The following OTOA variants were observed in gnomAD, a reference collection of about 807,000 sequenced individuals.
The protein encoded by OTOA is otoancorin.
Under a neutral mutation model 110.8 loss-of-function variants are expected in OTOA, and 70 were observed. That is an observed-to-expected ratio of 0.63 (90% CI 0.52 to 0.77). The LOEUF (loss-of-function observed/expected upper bound fraction) is 0.77, where lower values mean the gene tolerates loss of function less well. Ranked by LOEUF, OTOA falls within the 30% of genes least tolerant of loss-of-function variation. OTOA has a pLI of 0.00. For missense variants in OTOA, 917 were observed against 1,075.8 expected, an observed-to-expected ratio of 0.85 and a Z score of 2.06; for synonymous variants, 373 against 431.5, an observed-to-expected ratio of 0.86 and a Z score of 1.68.
At chr16:21,736,992 C>T (rs535657131) in intron 22 of OTOA, among the ~76,000 whole-genome samples, 231 of 152,318 alleles carry the variant, frequency 1.5e-3, no homozygotes, top group African/African-American at 5.1e-3. Flanking sequence ...GTGACAGGGC[C>T]GGGCTGGCTA....
At position 21,736,349 on chromosome 16, in the gene OTOA, G is replaced by A. The variant is rs1367854479; in HGVS notation, c.2390G>A (p.Arg797Gln). The change falls in exon 22 of 29, where the codon CGG becomes CAG. Residue 797 changes from arginine (R) to glutamine (Q), a missense_variant. Physicochemically the swap from Arg to Gln is conservative, Grantham distance 43 (BLOSUM62 1). This residue lies in a region of OTOA where 57 missense variants were observed against 59.7 expected (regional missense o/e 0.96). Coordinates refer to ENST00000646100, the MANE Select transcript of OTOA (RefSeq NM_144672.4). ...CTCTGGGCTGTCTTTCAGTCTGTTC[G>A]GAACAGCAGTGATAAGATCCCCAGC... ...EFLWAVFQSV[R>Q]NSSDKIPSYD... The A allele has an allele frequency of 1.4e-5, 23 of 1,614,000 alleles. No individual in the cohort carries two copies. The highest frequency in any genetic ancestry group is 3.3e-5 in the South Asian group (3 of 91,080).
At chr16:21,676,133 G>A (rs898084349) in intron 1 of OTOA, among the ~76,000 whole-genome samples, 3 of 152,068 alleles carry the variant, frequency 2.0e-5, no homozygotes, top group African/African-American at 4.8e-5. Context: ...TGCCCAGGCT[G>A]GTCACAAACT....
In OTOA at chr16:21,687,574, C is replaced by T. The variant is rs774277243; in HGVS notation, c.561C>T (p.Ser187=). 10 of 1,613,752 alleles carry T rather than the reference C, an allele frequency of 6.2e-6. No individual in the cohort carries two copies. Among genetic ancestry groups the T allele is most frequent in the Non-Finnish European group, 8.5e-6 (10 of 1,179,978 alleles). The change falls in exon 8 of 29, where the codon TCC becomes TCT. Residue 187 remains serine, a synonymous_variant. Coordinates refer to ENST00000646100, the MANE Select transcript of OTOA (RefSeq NM_144672.4). ...TCCTGGGCAAGGTGCTGAGGGGGTC[C>T]TCAGGGAGCTTTCTCCAGCCAGACA... is the stretch of plus-strand genomic sequence containing the variant. ...VEILGKVLRG[S]SGSFLQPDIT...
intron 12 of OTOA, chr16:21,705,503 C>G (rs754098362): frequency 1.6e-5 from 12 of 735,690 alleles, no homozygotes; most frequent in Non-Finnish European, 2.4e-5. Flanking sequence ...CTGGGGAGAT[C>G]AAAATTTAAT....
At position 21,726,550 on chromosome 16, in the gene OTOA, C is replaced by T; in HGVS notation, c.1908C>T (p.Ala636=). ...CCCGCTACCTGGCTTCTGTCCCAGC[C>T]TCCCAGTGTGTGCCCTTTCTGATCA... The part of the protein sequence containing the change: ...LPARYLASVP[A]SQCVPFLISL... The change falls in exon 19 of 29, where the codon GCC becomes GCT. Residue 636 remains alanine (A), a synonymous_variant. Transcript: ENST00000646100. The T allele has an allele frequency of 3.1e-6, 5 of 1,614,078 alleles. No homozygotes were observed. The highest frequency in any genetic ancestry group is 4.2e-6 in the Non-Finnish European group (5 of 1,180,032).
chr16:21,684,647 G>C, intron 6 of OTOA: 1 of 997,238 alleles, frequency 1.0e-6, no homozygotes, highest in Non-Finnish European at 1.5e-6. Flanking sequence ...CCTAAAAGGG[G>C]ATGTGCGCCC....
At chr16:21,678,261 G>C in intron 1 of OTOA, among the ~76,000 whole-genome samples, 1 of 151,996 alleles carries the variant, frequency 6.6e-6, no homozygotes, top group Middle Eastern at 3.2e-3. Context: ...ACAGGCCATT[G>C]TAGTCACCAA....
At chr16:21,709,127 T>C (rs775839250) in intron 12 of OTOA, among the ~76,000 whole-genome samples, 2 of 152,188 alleles carry the variant, frequency 1.3e-5, no homozygotes, top group Non-Finnish European at 2.9e-5. Flanking sequence ...TTTTACTTTC[T>C]TGTACTGTGA....
chr16:21,705,715 G>A, intron 12 of OTOA, among the ~76,000 whole-genome samples: 1 of 152,172 alleles, frequency 6.6e-6, no homozygotes, highest in East Asian at 1.9e-4. Context: ...GGGAGGCCAA[G>A]GCAGGCAGAT....
chr16:21,710,832 G>A (rs570828983), intron 13 of OTOA, among the ~76,000 whole-genome samples: 7 of 152,040 alleles, frequency 4.6e-5, no homozygotes, highest in Non-Finnish European at 8.8e-5. Flanking sequence ...GTGAAATCCC[G>A]TCTCTACTAA....
chr16:21,672,165 A>G (rs1966850091), intron 1 of OTOA, among the ~76,000 whole-genome samples: 1 of 152,020 alleles, frequency 6.6e-6, no homozygotes, highest in Non-Finnish European at 1.5e-5. Flanking sequence ...ATCATATGTT[A>G]TGTGGTCTTT....
chr16:21,695,195 T>A (rs1349980823), intron 9 of OTOA, among the ~76,000 whole-genome samples: 1 of 148,888 alleles, frequency 6.7e-6, no homozygotes, highest in Non-Finnish European at 1.5e-5. Flanking sequence ...AGGCCAGGAG[T>A]TCAAGGCCAG....
chr16:21,696,900 A>G (rs951002958), intron 9 of OTOA, among the ~76,000 whole-genome samples: 8 of 151,740 alleles, frequency 5.3e-5, no homozygotes, highest in African/African-American at 1.9e-4. Context: ...ATTTTTAATT[A>G]TTATTACTTT....
intron 20 of OTOA, chr16:21,729,952 A>G (rs542706243): frequency 1.3e-4 from 20 of 152,356 alleles, no homozygotes; most frequent in Admixed American, 2.6e-4. Flanking sequence ...TAAAGCTGCT[A>G]TCAACATCCA....
In OTOA at chr16:21,728,330, C is replaced by T. The variant is rs1898993954; in HGVS notation, c.2106C>T (p.Ser702=). 5 of 1,614,020 alleles carry T rather than the reference C, an allele frequency of 3.1e-6. No individual in the cohort carries two copies. In the South Asian group the frequency reaches 3.3e-5, roughly 11 times the overall value. ...LPAAIIDRGI[S]PRAWATALHG... is the part of the protein sequence containing the mutation. The stretch of plus-strand genomic sequence containing the variant: ...CAGCCATCATCGACAGGGGGATCTC[C>T]CCCAGGGCTTGGGCGACTGCTCTAC... Residue 702 remains serine (S), a synonymous_variant, in exon 20 of 29, where the codon TCC becomes TCT. Transcript: ENST00000646100.
chr16:21,679,610 G>A (rs1966873770), intron 5 of OTOA, among the ~76,000 whole-genome samples: 1 of 151,970 alleles, frequency 6.6e-6, no homozygotes, highest in Non-Finnish European at 1.5e-5. Flanking sequence ...TCACCATGTT[G>A]GCCAGGCTGG....
At chr16:21,689,751 T>C (rs750960174) in intron 8 of OTOA, among the ~76,000 whole-genome samples, 1 of 152,036 alleles carries the variant, frequency 6.6e-6, no homozygotes, top group Non-Finnish European at 1.5e-5. Context: ...AATGGCCCCA[T>C]CTCGGCTCAC....
rs773864485 is a variant in OTOA at position 21,719,471 on chromosome 16, T to G, written c.1773T>G (p.Phe591Leu). 1.4e-5 allele frequency: 23 copies of G among 1,614,174 alleles called. No homozygotes were observed. The highest frequency in any genetic ancestry group is 1.9e-5 in the Non-Finnish European group (23 of 1,180,022). Residue 591 changes from phenylalanine (F) to leucine (L), a missense_variant, in exon 17 of 29, where the codon TTT becomes TTG. By Grantham distance (22) the Phe-to-Leu change is conservative (BLOSUM62 0). Coordinates refer to ENST00000646100, the MANE Select transcript of OTOA (RefSeq NM_144672.4). ...TCTTTCTGGCCCATTTCCAGGATTT[T>G]CAGAACAACTTCGCCCTGCTTTCAC... ...TDFFLAHFQD[F>L]QNNFALLSPY...
intron 1 of OTOA, among the ~76,000 whole-genome samples, chr16:21,673,773 T>A (rs1485598199): frequency 2.0e-5 from 3 of 152,188 alleles, no homozygotes; most frequent in Non-Finnish European, 4.4e-5. Flanking sequence ...TGAACATTTG[T>A]GTACAGGTTT....
Sources: gnomAD v4.1 joint callset for allele counts (sites outside exome capture counted in the v4.1 genomes callset) on GRCh38, gnomAD v4.1.1 for gene constraint, gnomAD v4.1.1 regional missense constraint, MANE v1.5 for transcripts, NCBI Gene and HGNC (gene_info 2026-07-23, HGNC 2026-07-21) for gene names.